UMODL1: variants seen among roughly 807,000 people sequenced by gnomAD.
The protein encoded by UMODL1 is uromodulin-like 1.
In UMODL1, 128 loss-of-function variants were observed where a neutral mutation model predicts 136.3. That is an observed-to-expected ratio of 0.94 (90% CI 0.81 to 1.09). The LOEUF (loss-of-function observed/expected upper bound fraction) is 1.09. Among genes scored for constraint, UMODL1 ranks in the 50% least tolerant of loss-of-function variants. The probability of loss-of-function intolerance (pLI) is 0.00; values close to 1 mark genes in which losing one functional copy is unlikely to be tolerated. For missense variants in UMODL1, 1,766 were observed against 1,725.6 expected, an observed-to-expected ratio of 1.02 and a Z score of -0.41; for synonymous variants, 721 against 720.0, an observed-to-expected ratio of 1.00 and a Z score of -0.02.
Position 42,126,342 on chromosome 21 carries a change from C to T in UMODL1, c.3148-3C>T, listed in dbSNP as rs749479373. 2 of 1,613,984 alleles carry T rather than the reference C, an allele frequency of 1.2e-6. No homozygotes were observed. The highest frequency in any genetic ancestry group is 1.1e-5 in the South Asian group (1 of 91,082). On this transcript the variant is annotated splice_region_variant and splice_polypyrimidine_tract_variant and intron_variant, in intron 17 of 22. Coordinates refer to ENST00000408910, the MANE Select transcript of UMODL1 (RefSeq NM_001004416.3). ...AGCTCCTCATGCTCCGCTTTGTGCT[C>T]AGAACATGACGAACACCGTGGTGAG...
chr21:42,069,565 T>C (rs1359494216), upstream of UMODL1, among the ~76,000 whole-genome samples: 1 of 152,174 alleles, frequency 6.6e-6, no homozygotes, highest in East Asian at 1.9e-4. Context: ...GTTTAATCTC[T>C]TGTTTACTGG....
chr21:42,129,540 C>G (rs2067105696), intron 20 of UMODL1, among the ~76,000 whole-genome samples, 173 bp from the exon 21 acceptor site: 1 of 152,178 alleles, frequency 6.6e-6, no homozygotes. Flanking sequence ...CAGGACCCAC[C>G]ACCCTGGTCT....
Position 42,103,702 on chromosome 21 carries a change from G to A in UMODL1, c.1300-166G>A, listed in dbSNP as rs749842128. ...CCAGGGAAAGCCCAGCTAAGGTGCT[G>A]TGAACGGACTTCTCTGCGTGCTCTG... On this transcript the variant is annotated intron_variant, in intron 8 of 22. Coordinates refer to ENST00000408910, the MANE Select transcript of UMODL1 (RefSeq NM_001004416.3). 15 of 821,606 alleles carry A rather than the reference G, an allele frequency of 1.8e-5. No homozygotes were observed. The Admixed American group carries it at 3.0e-4, about 16-fold the overall frequency. The allele number at this position is 821,606 out of a possible 1,614,324, so 50.9% of individuals were successfully genotyped here. A position where few individuals can be genotyped will look rare whatever the true frequency, so the allele number is the denominator to read the frequency against.
At chr21:42,124,944 G>A (rs1305916306) in intron 17 of UMODL1, among the ~76,000 whole-genome samples, 2 of 152,282 alleles carry the variant, frequency 1.3e-5, no homozygotes, top group East Asian at 3.9e-4. Flanking sequence ...GTGCTCGGCA[G>A]GGTCCATGGG....
At position 42,123,696 on chromosome 21, in the gene UMODL1, ATG is replaced by A. The variant is rs1286742025; in HGVS notation, c.3147+551_3147+552del. Among the ~76,000 whole-genome samples the A allele has an allele frequency of 4.6e-5, 7 of 151,414 alleles. No individual in the cohort carries two copies. Among genetic ancestry groups the A allele is most frequent in the South Asian group, 2.1e-4 (1 of 4,780 alleles). On this transcript the variant is annotated intron_variant, in intron 17 of 22. Coordinates refer to ENST00000408910, the MANE Select transcript of UMODL1 (RefSeq NM_001004416.3). The surrounding 1 kb of genome is among the most constrained non-coding windows in gnomAD (Gnocchi z 4.4). ...CGTGTGGGTGTGCATGCATGTATGA[ATG>A]TGTGAGTGTGTGAATGTGAGAATGT...
At chr21:42,140,527 T>TA (rs56151918) in intron 22 of UMODL1, among the ~76,000 whole-genome samples, 28,031 of 152,074 alleles carry the variant, frequency 0.18, 2,647 homozygotes, top group South Asian at 0.3. Flanking sequence ...CTACCAAGCT[T>TA]AGAGCCTTTC....
chr21:42,076,399 G>T, intron 2 of UMODL1, 152 bp downstream of exon 2: 1 of 1,237,148 alleles, frequency 8.1e-7, no homozygotes, highest in South Asian at 1.4e-5. Flanking sequence ...TCATCGGCAG[G>T]GCTTTCCCTG....
rs1353630833 is a variant in UMODL1 at position 42,078,237 on chromosome 21, G to C, written c.319+1990G>C. Reference sequence around the variant, plus strand: ...CAGAGCAACACCTCCATCACCAATAGAAACCAGGCGGGGCCAGCTGACCCC... The same window carrying C: ...CAGAGCAACACCTCCATCACCAATACAAACCAGGCGGGGCCAGCTGACCCC... On this transcript the variant is annotated intron_variant, in intron 2 of 22. Coordinates refer to ENST00000408910, the MANE Select transcript of UMODL1 (RefSeq NM_001004416.3). Among the ~76,000 whole-genome samples, 2 of 68,214 alleles carry C rather than the reference G, an allele frequency of 2.9e-5. 1 individual carries two copies. The allele number at this position is 68,214 out of a possible 152,430, so 44.8% of individuals were successfully genotyped here.
intron 17 of UMODL1, among the ~76,000 whole-genome samples, chr21:42,125,284 G>T (rs1353552681): frequency 6.6e-6 from 1 of 152,130 alleles, no homozygotes; most frequent in Non-Finnish European, 1.5e-5. Flanking sequence ...ATGAGGTGGG[G>T]AGGTGGGGCA....
chr21:42,110,767 G>A, intron 10 of UMODL1, 113 bp from the exon 11 acceptor site: 1 of 1,083,232 alleles, frequency 9.2e-7, no homozygotes, highest in South Asian at 1.7e-5. Context: ...TCCCTGGCCA[G>A]GTCCACTCCG....
At chr21:42,097,026 G>T (rs1430207392) in intron 6 of UMODL1, among the ~76,000 whole-genome samples, 1 of 152,124 alleles carries the variant, frequency 6.6e-6, no homozygotes, top group Non-Finnish European at 1.5e-5. Context: ...TGGAGACGGG[G>T]GTGCCACCCA....
intron 21 of UMODL1, among the ~76,000 whole-genome samples, chr21:42,130,445 T>C (rs1249841679): frequency 6.6e-6 from 1 of 152,066 alleles, no homozygotes; most frequent in Non-Finnish European, 1.5e-5. Flanking sequence ...AAAAATACAT[T>C]GGTTTGGGGA....
rs758480181 is a variant in UMODL1, at chr21:42,088,485, G to A, written c.790+5G>A. 1.7e-5 allele frequency: 27 copies of A among 1,590,826 alleles called. No homozygotes were observed. Among genetic ancestry groups the A allele is most frequent in the African/African-American group, 4.0e-5 (3 of 74,692 alleles). On this transcript the variant is annotated splice_donor_5th_base_variant and intron_variant, in intron 5 of 22. Transcript: ENST00000408910. ...TGATCAGCGTCCAGGTGCAAGGTTG[G>A]GCTTCCCTCAATCCTCCCTCTGGGG...
At chr21:42,065,566 C>G (rs1395212002) in intron 1 of UMODL1, among the ~76,000 whole-genome samples, 1 of 149,422 alleles carries the variant, frequency 6.7e-6, no homozygotes, top group African/African-American at 2.5e-5. Flanking sequence ...GAGGCGGAGT[C>G]TCGCTCTGTC....
intron 9 of UMODL1, among the ~76,000 whole-genome samples, chr21:42,105,754 G>C (rs565704275): frequency 6.6e-6 from 1 of 152,232 alleles, no homozygotes; most frequent in Non-Finnish European, 1.5e-5. Context: ...GCCCCAGAGG[G>C]AGGGCGGCCC....
upstream of UMODL1, among the ~76,000 whole-genome samples, chr21:42,070,796 T>A (rs2066222966): frequency 6.6e-6 from 1 of 152,246 alleles, no homozygotes; most frequent in Non-Finnish European, 1.5e-5. Context: ...AGGAGAGGAC[T>A]GGGTCAAAGC....
intron 12 of UMODL1, chr21:42,113,224 C>G (rs1034531862): frequency 4.2e-5 from 8 of 190,520 alleles, no homozygotes; most frequent in Non-Finnish European, 6.4e-5. Flanking sequence ...TAAATCCACC[C>G]AGGGGTCAAG....
intron 1 of UMODL1, among the ~76,000 whole-genome samples, chr21:42,072,087 C>G (rs1049894407): frequency 6.6e-6 from 1 of 151,902 alleles, no homozygotes; most frequent in Non-Finnish European, 1.5e-5. Context: ...AATACAAAAA[C>G]AAAAAAGAAA....
chr21:42,081,974 C>G (rs1212457914), intron 2 of UMODL1, among the ~76,000 whole-genome samples: 1 of 152,236 alleles, frequency 6.6e-6, no homozygotes, highest in Non-Finnish European at 1.5e-5. Context: ...CCTCCTCGAG[C>G]TGCACCCAAC....
Sources: gnomAD v4.1 joint callset for allele counts (sites outside exome capture counted in the v4.1 genomes callset) on GRCh38, gnomAD v4.1.1 for gene constraint, Gnocchi (gnomAD v3.1) non-coding constraint, MANE v1.5 for transcripts, NCBI Gene and HGNC (gene_info 2026-07-23, HGNC 2026-07-21) for gene names.